The following ADGRF4 variants were observed in gnomAD, a reference collection of about 807,000 sequenced individuals.
ADGRF4 encodes the protein adhesion G protein-coupled receptor F4, also known as G-protein coupled receptor PGR18.
A neutral mutation model predicts 58.5 loss-of-function variants in ADGRF4; 63 were observed. The ratio of observed to expected loss-of-function variants is 1.08; its 90% CI spans 0.88 to 1.33. The LOEUF (loss-of-function observed/expected upper bound fraction) is 1.33. ADGRF4 is among the 40% of genes most tolerant of loss of function. The pLI is 0.00. For missense variants in ADGRF4, 931 were observed against 843.9 expected (o/e 1.10, Z -1.28); for synonymous variants, 313 against 295.4 (o/e 1.06, Z -0.61).
intron 1 of ADGRF4, among the ~76,000 whole-genome samples, chr6:47,701,235 G>A (rs544689101): frequency 1.3e-5 from 2 of 152,142 alleles, no homozygotes; most frequent in South Asian, 4.2e-4. Context: ...AGGGAGCCTG[G>A]CCTCCATTCA....
In ADGRF4 at chr6:47,712,476, C is replaced by A. The variant is rs753979367; in HGVS notation, c.420C>A (p.Pro140=). 6.2e-7 allele frequency: 1 copy of A among 1,614,014 alleles called. No homozygotes were observed. Residue 140 remains proline, a synonymous_variant, in exon 5 of 10, where the codon CCC becomes CCA. Coordinates refer to ENST00000283303, the MANE Select transcript of ADGRF4 (RefSeq NM_153838.5). Reference sequence around the variant, plus strand: ...CTCAAGGAATCCGTAAGAACTGCCCCTTTGATTATGCCTGCATCACTGACA... The same window carrying A: ...CTCAAGGAATCCGTAAGAACTGCCCATTTGATTATGCCTGCATCACTGACA... The part of the protein sequence containing the change: ...SVAQGIRKNC[P]FDYACITDMV...
At chr6:47,699,642 A>G (rs969174784) in intron 1 of ADGRF4, among the ~76,000 whole-genome samples, 44 of 152,234 alleles carry the variant, frequency 2.9e-4, no homozygotes, top group African/African-American at 8.7e-4. Context: ...AAAGTAGCTA[A>G]AGATGAGATG....
intron 6 of ADGRF4, 102 bp downstream of exon 6, chr6:47,715,279 T>C: frequency 1.2e-6 from 1 of 867,556 alleles, no homozygotes; most frequent in Non-Finnish European, 1.8e-6. Flanking sequence ...CTCCACTTCC[T>C]TTTACATCTT....
intron 9 of ADGRF4, among the ~76,000 whole-genome samples, 151 bp downstream of exon 9, chr6:47,718,596 T>G (rs542425339): frequency 1.3e-5 from 2 of 152,310 alleles, no homozygotes; most frequent in East Asian, 3.9e-4. Flanking sequence ...GGAAACATCT[T>G]TATTGTCTAG....
intron 4 of ADGRF4, among the ~76,000 whole-genome samples, chr6:47,712,143 G>A (rs1771886547): frequency 6.6e-6 from 1 of 152,052 alleles, no homozygotes; most frequent in Admixed American, 6.5e-5. Flanking sequence ...AATAGTAAAG[G>A]TCAATATCCT....
At chr6:47,699,974 C>T (rs1771554839) in intron 1 of ADGRF4, among the ~76,000 whole-genome samples, 1 of 151,508 alleles carries the variant, frequency 6.6e-6, no homozygotes, top group Non-Finnish European at 1.5e-5. Flanking sequence ...TCTTAGGTTC[C>T]TTGCCCTCTA....
At chr6:47,717,216 T>C (rs1772042057) in intron 7 of ADGRF4, 76 bp from the exon 8 acceptor site, 7 of 1,044,238 alleles carry the variant, frequency 6.7e-6, no homozygotes, top group Non-Finnish European at 7.6e-6. Flanking sequence ...TTACTGGTCT[T>C]AAAGTTTCAG....
intron 5 of ADGRF4, among the ~76,000 whole-genome samples, chr6:47,713,398 A>G (rs567482435): frequency 2.2e-4 from 33 of 152,294 alleles, no homozygotes; most frequent in African/African-American, 6.7e-4. Context: ...TAATATCCTA[A>G]TGAACTTTGG....
At chr6:47,703,190 A>T (rs371201781) in intron 1 of ADGRF4, among the ~76,000 whole-genome samples, 1 of 152,362 alleles carries the variant, frequency 6.6e-6, no homozygotes, top group East Asian at 1.9e-4. Flanking sequence ...CACTTTAATT[A>T]TTAATCTTTA....
rs878967237 is a variant in ADGRF4 at position 47,716,715 on chromosome 6, C to G, written c.1933-91C>G. ...AACTTTCTAATGTCCAATAACTGCC[C>G]TAGGAGGTATCTAGAAGAGCGGTAT... is the stretch of plus-strand genomic sequence containing the variant. On this transcript the variant is annotated intron_variant, in intron 6 of 9. Coordinates refer to ENST00000283303, the MANE Select transcript of ADGRF4 (RefSeq NM_153838.5). 9 of 944,304 alleles carry G rather than the reference C, an allele frequency of 9.5e-6. No homozygotes were observed. The South Asian group carries it at 1.2e-4, about 13-fold the overall frequency. 58.5% of individuals were successfully genotyped at this position (944,304 alleles called of 1,614,324 possible).
Position 47,699,931 on chromosome 6 carries a change from A to AC in ADGRF4, c.-17+1138dup, listed in dbSNP as rs1231796515. Among the ~76,000 whole-genome samples, 88 of 115,012 alleles carry AC rather than the reference A, an allele frequency of 7.7e-4. 1 individual carries two copies. Among genetic ancestry groups the AC allele is most frequent in the African/African-American group, 2.3e-3 (70 of 30,072 alleles). 75.5% of individuals were successfully genotyped at this position (115,012 alleles called of 152,430 possible). Reference sequence around the variant, plus strand: ...ACACACACACACACACACAGACGACACACCCCCCCCCCCAAAATGTGGGTC... The same window carrying AC: ...ACACACACACACACACACAGACGACACCACCCCCCCCCCCAAAATGTGGGTC... On this transcript the variant is annotated intron_variant, in intron 1 of 9. Coordinates refer to ENST00000283303, the MANE Select transcript of ADGRF4 (RefSeq NM_153838.5).
At chr6:47,703,750 TA>T (rs1771641972) in intron 1 of ADGRF4, among the ~76,000 whole-genome samples, 1 of 152,232 alleles carries the variant, frequency 6.6e-6, no homozygotes, top group African/African-American at 2.4e-5. Flanking sequence ...TTTATGCTAG[TA>T]AAAGTTTTTA....
In ADGRF4 at chr6:47,714,674, A is replaced by G; in HGVS notation, c.1429A>G (p.Thr477Ala). The change falls in exon 6 of 10, where the codon ACA becomes GCA. Residue 477 changes from threonine to alanine, a missense_variant. Thr to Ala is a moderately conservative substitution (Grantham distance 58, BLOSUM62 0). Coordinates refer to ENST00000283303, the MANE Select transcript of ADGRF4 (RefSeq NM_153838.5). The stretch of plus-strand genomic sequence containing the variant: ...GGACTACAACATGTGTGTTGCAGTG[A>G]CATTTTTCAGCCACTTTTTCTACCT... Reference protein sequence around the residue: ...AQDYNMCVAVTFFSHFFYLSL... With the variant: ...AQDYNMCVAVAFFSHFFYLSL... 6.2e-7 allele frequency: 1 copy of G among 1,614,194 alleles called. No individual in the cohort carries two copies. Among genetic ancestry groups the G allele is most frequent in the Non-Finnish European group, 8.5e-7 (1 of 1,180,038 alleles).
rs541753118 is a variant in ADGRF4, at chr6:47,706,039, T to G, written c.-16-1191T>G. Among the ~76,000 whole-genome samples the G allele has an allele frequency of 2.6e-5, 4 of 152,310 alleles. No individual in the cohort carries two copies. In the East Asian group the frequency reaches 7.7e-4, roughly 29 times the overall value. On this transcript the variant is annotated intron_variant, in intron 1 of 9. Transcript: ENST00000283303. ...GATCATCTACATTTTATGAAATGGA[T>G]GAAAAAATAGGCTAGTTCATCCATA...
chr6:47,705,362 A>G (rs544493002), intron 1 of ADGRF4, among the ~76,000 whole-genome samples: 1 of 152,348 alleles, frequency 6.6e-6, no homozygotes, highest in African/African-American at 2.4e-5. Context: ...TTCACATTGC[A>G]AATTGCTTAG....
intron 1 of ADGRF4, 148 bp from the exon 2 acceptor site, chr6:47,707,082 T>C (rs1279091683): frequency 5.1e-6 from 3 of 591,580 alleles, no homozygotes; most frequent in Non-Finnish European, 9.2e-6. Context: ...AAAATAGATA[T>C]TGGTGTGCTT....
intron 9 of ADGRF4, 33 bp downstream of exon 9, chr6:47,718,478 T>G: frequency 7.9e-7 from 1 of 1,268,112 alleles, no homozygotes. Flanking sequence ...GAAATTTCAC[T>G]TGCAATTTGT....
intron 1 of ADGRF4, among the ~76,000 whole-genome samples, chr6:47,706,822 A>T (rs1771720617): frequency 1.3e-5 from 2 of 152,254 alleles, no homozygotes; most frequent in African/African-American, 4.8e-5. Flanking sequence ...CAATGATAAA[A>T]TGAAGATAGT....
intron 1 of ADGRF4, among the ~76,000 whole-genome samples, chr6:47,700,351 C>T (rs113619718): frequency 3.9e-4 from 60 of 152,118 alleles, no homozygotes; most frequent in African/African-American, 1.4e-3. Context: ...GTGAGTCATC[C>T]CCTACAATTC....
Sources: gnomAD v4.1 joint callset for allele counts (sites outside exome capture counted in the v4.1 genomes callset) on GRCh38, gnomAD v4.1.1 for gene constraint, MANE v1.5 for transcripts, NCBI Gene and HGNC (gene_info 2026-07-23, HGNC 2026-07-21) for gene names.